The following RGS12 variants were observed in gnomAD, a reference collection of about 807,000 sequenced individuals.
RGS12 encodes regulator of G-protein signaling 12.
RGS12 carries 66 observed loss-of-function variants against 120.1 expected under a neutral mutation model. That is an observed-to-expected ratio of 0.55 (90% CI 0.45 to 0.67). RGS12 has a LOEUF of 0.67. Ranked by LOEUF, RGS12 falls within the 30% of genes least tolerant of loss-of-function variation. The pLI is 0.00. For missense variants in RGS12, 1,859 were observed against 1,957.7 expected (o/e 0.95, Z 0.95); for synonymous variants, 827 against 804.7 (o/e 1.03, Z -0.47).
intron 3 of RGS12, among the ~76,000 whole-genome samples, chr4:3,379,697 C>T (rs1718068669): frequency 6.6e-6 from 1 of 152,028 alleles, no homozygotes; most frequent in South Asian, 2.1e-4. Flanking sequence ...AGAGAAGTGC[C>T]AAGCAAAAGG....
Position 3,324,375 on chromosome 4 carries a change from G to T in RGS12, c.1881+6324G>T. Reference sequence around the variant, plus strand: ...TCAACCCCTGCTGGAAGGACAAGTGGTCCATCTCTTAGTGGGGATGTCCCC... The same window carrying T: ...TCAACCCCTGCTGGAAGGACAAGTGTTCCATCTCTTAGTGGGGATGTCCCC... On this transcript the variant is annotated intron_variant, in intron 2 of 17. Coordinates refer to ENST00000336727, the MANE Select transcript of RGS12 (RefSeq NM_001394154.1). The T allele has an allele frequency of 1.5e-5, 3 of 197,576 alleles. 1 individual carries two copies. Among genetic ancestry groups the T allele is most frequent in the Non-Finnish European group, 3.1e-5 (3 of 96,468 alleles). 12.2% of individuals were successfully genotyped at this position (197,576 alleles called of 1,614,324 possible). A position where few individuals can be genotyped will look rare whatever the true frequency, so the allele number is the denominator to read the frequency against.
At chr4:3,370,313 G>A in intron 3 of RGS12, 3 of 1,614,130 alleles carry the variant, frequency 1.9e-6, no homozygotes, top group Non-Finnish European at 2.5e-6. Flanking sequence ...TGTTTCTAAT[G>A]ACCAGCAGGT....
At chr4:3,427,504 G>A (rs1723778462) in intron 14 of RGS12, among the ~76,000 whole-genome samples, 1 of 152,248 alleles carries the variant, frequency 6.6e-6, no homozygotes, top group Admixed American at 6.5e-5. Flanking sequence ...TGGAGGCCAA[G>A]GTGGGTGGAT....
chr4:3,359,903 A>G (rs538595034), intron 3 of RGS12, among the ~76,000 whole-genome samples: 9 of 151,986 alleles, frequency 5.9e-5, no homozygotes, highest in South Asian at 4.2e-4. Context: ...GATTACAGGC[A>G]TGAGCCACCG....
upstream of RGS12, among the ~76,000 whole-genome samples, chr4:3,289,719 T>C (rs142718490): frequency 1.8e-3 from 267 of 152,136 alleles, 1 homozygote; most frequent in South Asian, 3.3e-3. Context: ...GGGTACATTA[T>C]TATTGACTAG....
chr4:3,315,575 T>C (rs1404101676), intron 1 of RGS12, among the ~76,000 whole-genome samples: 1 of 152,252 alleles, frequency 6.6e-6, no homozygotes, highest in Non-Finnish European at 1.5e-5. Flanking sequence ...AGGGGATTTA[T>C]GATCAACTAA....
the RGS12 span, among the ~76,000 whole-genome samples, chr4:3,286,536 C>T: frequency 1.8e-3 from 270 of 152,356 alleles, 1 homozygote; most frequent in Middle Eastern, 0.01. Flanking sequence ...GGTTTAAAGC[C>T]AGCCCCTGTG....
chr4:3,386,509 C>T, intron 4 of RGS12, 72 bp downstream of exon 4: 1 of 1,302,576 alleles, frequency 7.7e-7, no homozygotes, highest in South Asian at 1.2e-5. Context: ...GTGTATTTGC[C>T]ATTTGATGCC....
At chr4:3,381,646 T>C (rs979743630) in intron 3 of RGS12, among the ~76,000 whole-genome samples, 3 of 152,208 alleles carry the variant, frequency 2.0e-5, no homozygotes. Flanking sequence ...GAGAACTCAC[T>C]ATCACAACAG....
At chr4:3,357,431 T>G (rs1306363473) in intron 3 of RGS12, among the ~76,000 whole-genome samples, 1 of 152,176 alleles carries the variant, frequency 6.6e-6, no homozygotes, top group Non-Finnish European at 1.5e-5. Flanking sequence ...GCCTTTGATA[T>G]CCAGGAAATC....
At position 3,403,753 on chromosome 4, in the gene RGS12, C is replaced by T. The variant is rs140493023; in HGVS notation, c.2021-10319C>T. On this transcript the variant is annotated intron_variant, in intron 4 of 17. Coordinates refer to ENST00000336727, the MANE Select transcript of RGS12 (RefSeq NM_001394154.1). ...GTTCTTGCCCGACATGTCCTCCTTC[C>T]TCCGCAAGCCAGCCCCTCACAGGGA... Among the ~76,000 whole-genome samples, 547 of 152,366 alleles carry T rather than the reference C, an allele frequency of 3.6e-3. 2 individuals are homozygous for T. The highest frequency in any genetic ancestry group is 0.012 in the African/African-American group (512 of 41,586).
At chr4:3,373,134 T>C (rs1717216164) in intron 3 of RGS12, among the ~76,000 whole-genome samples, 1 of 152,086 alleles carries the variant, frequency 6.6e-6, no homozygotes, top group Non-Finnish European at 1.5e-5. Flanking sequence ...GAAAGGATAA[T>C]GAGGAAGACG....
At chr4:3,332,449 ACACAGAGCC>A (rs1294231056) in intron 2 of RGS12, among the ~76,000 whole-genome samples, 1 of 152,202 alleles carries the variant, frequency 6.6e-6, no homozygotes, top group Non-Finnish European at 1.5e-5. Context: ...ACTGCTACAT[ACACAGAGCC>A]ACTAAAGAAT....
Position 3,420,739 on chromosome 4 carries a change from G to A in RGS12, c.2838+21G>A, listed in dbSNP as rs200901952. 67 of 1,600,980 alleles carry A rather than the reference G, an allele frequency of 4.2e-5. 1 individual carries two copies. The highest frequency in any genetic ancestry group is 4.0e-4 in the South Asian group (36 of 90,772). ...ACCTGGTGAGTCACTGTCTCCCCTC[G>A]TCCCACAGGCCTCAGGGGTGTCCCC... On this transcript the variant is annotated intron_variant, in intron 10 of 17. Transcript: ENST00000336727.
At chr4:3,435,592 C>G (rs187636038) in intron 17 of RGS12, among the ~76,000 whole-genome samples, 169 of 151,808 alleles carry the variant, frequency 1.1e-3, no homozygotes, top group Non-Finnish European at 1.9e-3. Flanking sequence ...CTGTCTCCCC[C>G]CAGCATCTCC....
At chr4:3,423,865 T>C (rs554613311) in intron 13 of RGS12, 9 of 532,462 alleles carry the variant, frequency 1.7e-5, no homozygotes, top group Non-Finnish European at 2.2e-5. Context: ...CCAAAAAGAA[T>C]TGATATTTGA....
intron 9 of RGS12, chr4:3,418,644 C>T (rs3748036): frequency 0.23 from 34,593 of 152,264 alleles, 4,896 homozygotes; most frequent in East Asian, 0.47. Flanking sequence ...CTGAAGGACG[C>T]GCTGGTGAGG....
chr4:3,362,716 AG>A (rs1277809534), intron 3 of RGS12, among the ~76,000 whole-genome samples: 3 of 91,254 alleles, frequency 3.3e-5, no homozygotes, highest in Non-Finnish European at 4.4e-5. Context: ...AGGCTGTGTG[AG>A]GGTGAGGGTG....
intron 3 of RGS12, among the ~76,000 whole-genome samples, chr4:3,345,296 A>C (rs1289248020): frequency 6.6e-6 from 1 of 152,200 alleles, no homozygotes; most frequent in African/African-American, 2.4e-5. Flanking sequence ...CAGGTCTATG[A>C]GCATGAGAAC....
Sources: gnomAD v4.1 joint callset for allele counts (sites outside exome capture counted in the v4.1 genomes callset) on GRCh38, gnomAD v4.1.1 for gene constraint, MANE v1.5 for transcripts, NCBI Gene and HGNC (gene_info 2026-07-23, HGNC 2026-07-21) for gene names.